The following CNBD1 variants were observed in gnomAD, a reference collection of about 807,000 sequenced individuals.
CNBD1 encodes cyclic nucleotide-binding domain-containing protein 1.
CNBD1 carries 71 observed loss-of-function variants against 54.4 expected under a neutral mutation model. That is an observed-to-expected ratio of 1.30 (90% CI 1.08 to 1.59). CNBD1 has a LOEUF of 1.59. CNBD1 is among the 40% of genes most tolerant of loss of function. CNBD1 has a pLI of 0.00. For missense variants in CNBD1, 659 were observed against 518.0 expected (o/e 1.27, Z -2.64); for synonymous variants, 182 against 170.7 (o/e 1.07, Z -0.51).
intron 4 of CNBD1, among the ~76,000 whole-genome samples, chr8:87,154,343 A>G (rs566889805): frequency 6.6e-6 from 1 of 152,298 alleles, no homozygotes; most frequent in East Asian, 1.9e-4. Context: ...TTAAGAGGTG[A>G]TTCTTGGGTT....
chr8:86,991,392 G>A (rs1328725458), intron 4 of CNBD1, among the ~76,000 whole-genome samples: 1 of 149,452 alleles, frequency 6.7e-6, no homozygotes, highest in Non-Finnish European at 1.5e-5. Context: ...CACTCTCTCT[G>A]TCTCTCTCTC....
At chr8:87,409,199 G>T (rs1333717666) in intron 2 of CNBD1, among the ~76,000 whole-genome samples, 1 of 152,086 alleles carries the variant, frequency 6.6e-6, no homozygotes, top group Non-Finnish European at 1.5e-5. Flanking sequence ...GTTTTACTCC[G>T]GTAAACATGC....
At chr8:87,330,103 A>T (rs577040208) in intron 8 of CNBD1, among the ~76,000 whole-genome samples, 6 of 152,024 alleles carry the variant, frequency 3.9e-5, no homozygotes, top group African/African-American at 1.4e-4. Context: ...CTAGTTTTTA[A>T]TCTAGATGGT....
chr8:87,319,865 A>G (rs530239639), intron 8 of CNBD1, among the ~76,000 whole-genome samples: 8 of 152,226 alleles, frequency 5.3e-5, no homozygotes, highest in African/African-American at 1.9e-4. Context: ...GTATGAGCCT[A>G]CATAATTTAT....
At chr8:86,871,047 A>G (rs2131765708) in intron 1 of CNBD1, among the ~76,000 whole-genome samples, 1 of 152,336 alleles carries the variant, frequency 6.6e-6, no homozygotes, top group Admixed American at 6.5e-5. Flanking sequence ...TGTAAAGCAA[A>G]CATTTAGTAT....
intron 4 of CNBD1, among the ~76,000 whole-genome samples, chr8:87,012,155 C>T (rs921577662): frequency 5.9e-5 from 9 of 152,076 alleles, no homozygotes; most frequent in South Asian, 2.1e-4. Context: ...CTTTAAGAGC[C>T]GATAAATGAG....
intron 4 of CNBD1, among the ~76,000 whole-genome samples, chr8:87,185,011 C>T (rs921386522): frequency 7.9e-5 from 12 of 151,098 alleles, no homozygotes; most frequent in East Asian, 1.9e-4. Flanking sequence ...TGTTATTTTC[C>T]GAATATATTT....
chr8:87,090,334 C>T (rs962615453), intron 4 of CNBD1, among the ~76,000 whole-genome samples: 8 of 152,084 alleles, frequency 5.3e-5, no homozygotes, highest in Non-Finnish European at 1.5e-5. Flanking sequence ...GCAAAAATAA[C>T]CTTCTAAGTT....
intron 4 of CNBD1, among the ~76,000 whole-genome samples, chr8:87,129,349 C>G (rs1812069637): frequency 6.6e-6 from 1 of 152,026 alleles, no homozygotes; most frequent in Non-Finnish European, 1.5e-5. Flanking sequence ...ATCTATATAT[C>G]TATGTGTATC....
chr8:87,372,761 A>G (rs749744393), intron 10 of CNBD1, among the ~76,000 whole-genome samples: 1 of 151,748 alleles, frequency 6.6e-6, no homozygotes, highest in Non-Finnish European at 1.5e-5. Flanking sequence ...AAGTTCAATC[A>G]CCTCATATAT....
chr8:87,187,046 C>G (rs192246088), intron 4 of CNBD1, among the ~76,000 whole-genome samples: 2 of 152,150 alleles, frequency 1.3e-5, no homozygotes, highest in East Asian at 3.9e-4. Context: ...ACATAATTGA[C>G]AATATTATGC....
intron 4 of CNBD1, among the ~76,000 whole-genome samples, chr8:87,168,144 A>C (rs1305701883): frequency 6.6e-6 from 1 of 152,074 alleles, no homozygotes; most frequent in Non-Finnish European, 1.5e-5. Flanking sequence ...ATGTATGCAC[A>C]GTTTTATTTT....
chr8:87,372,199 C>G (rs1324010881), intron 10 of CNBD1, among the ~76,000 whole-genome samples: 1 of 146,408 alleles, frequency 6.8e-6, no homozygotes, highest in Non-Finnish European at 1.5e-5. Context: ...CAATAACAGA[C>G]AAACAGAGAG....
intron 1 of CNBD1, among the ~76,000 whole-genome samples, chr8:86,884,462 T>C (rs1411392209): frequency 6.6e-6 from 1 of 152,184 alleles, no homozygotes; most frequent in African/African-American, 2.4e-5. Flanking sequence ...AAATTACCTT[T>C]GAGATTTTAG....
intron 4 of CNBD1, among the ~76,000 whole-genome samples, chr8:86,940,131 A>ATTTTTTTTTTTTTTTT (rs1563830029): frequency 1.5e-4 from 4 of 26,764 alleles, no homozygotes; most frequent in African/African-American, 4.2e-4. Flanking sequence ...ACCACATGTT[A>ATTTTTTTTTTTTTTTT]CTTTTTTTTT....
At chr8:87,071,588 T>C (rs1269746544) in intron 4 of CNBD1, among the ~76,000 whole-genome samples, 1 of 152,090 alleles carries the variant, frequency 6.6e-6, no homozygotes, top group Non-Finnish European at 1.5e-5. Context: ...ATGTAACAGA[T>C]TTCAATGGAG....
At chr8:87,338,599 C>A (rs1586027317) in intron 8 of CNBD1, among the ~76,000 whole-genome samples, 1 of 145,304 alleles carries the variant, frequency 6.9e-6, no homozygotes, top group South Asian at 2.1e-4. Context: ...TTATTCTCTG[C>A]TTTCTTTCAT....
intron 8 of CNBD1, among the ~76,000 whole-genome samples, chr8:87,341,469 A>G (rs1251961202): frequency 6.6e-6 from 1 of 152,214 alleles, no homozygotes; most frequent in Non-Finnish European, 1.5e-5. Context: ...TAGAAACACT[A>G]TGACAAGAGG....
At chr8:87,416,174 C>CA (rs1807830657) in intron 2 of CNBD1, among the ~76,000 whole-genome samples, 1 of 151,758 alleles carries the variant, frequency 6.6e-6, no homozygotes, top group Non-Finnish European at 1.5e-5. Flanking sequence ...CAAAAACACA[C>CA]AAAAAATCCA....
Sources: gnomAD v4.1 joint callset for allele counts (sites outside exome capture counted in the v4.1 genomes callset) on GRCh38, gnomAD v4.1.1 for gene constraint, MANE v1.5 for transcripts, NCBI Gene and HGNC (gene_info 2026-07-23, HGNC 2026-07-21) for gene names.